Variants in SUCLG2 observed in about 807,000 individuals in gnomAD.
SUCLG2 encodes the protein succinate-CoA ligase GDP-forming subunit beta, also known as succinate--CoA ligase [GDP-forming] subunit beta, mitochondrial.
Under a neutral mutation model 47.9 loss-of-function variants are expected in SUCLG2, and 42 were observed. The ratio of observed to expected loss-of-function variants is 0.88; its 90% CI spans 0.69 to 1.14. SUCLG2 has a LOEUF of 1.14. Ranked by LOEUF, SUCLG2 falls within the 50% of genes most tolerant of loss-of-function variation. SUCLG2 has a pLI of 0.00. For synonymous variants in SUCLG2, 195 were observed against 197.3 expected (o/e 0.99, Z 0.10); for missense variants, 571 against 525.9 (o/e 1.09, Z -0.84).
At chr3:67,577,919 A>T (rs1384750645) in intron 2 of SUCLG2, among the ~76,000 whole-genome samples, 1 of 152,196 alleles carries the variant, frequency 6.6e-6, no homozygotes, top group Non-Finnish European at 1.5e-5. Flanking sequence ...CCCTCTCAAG[A>T]TCTTAAGAGC....
intron 9 of SUCLG2, among the ~76,000 whole-genome samples, chr3:67,422,188 T>G (rs1428822947): frequency 1.3e-5 from 2 of 151,198 alleles, no homozygotes; most frequent in Non-Finnish European, 2.9e-5. Flanking sequence ...AAAAAGAACA[T>G]TCAGGCTGGG....
At chr3:67,366,231 G>A (rs1701872966) in intron 10 of SUCLG2, among the ~76,000 whole-genome samples, 1 of 152,156 alleles carries the variant, frequency 6.6e-6, no homozygotes, top group Non-Finnish European at 1.5e-5. Context: ...GGAGGCTGAG[G>A]CAGGCGGATC....
At chr3:67,516,914 C>T (rs114003172) in intron 6 of SUCLG2, among the ~76,000 whole-genome samples, 2,514 of 152,256 alleles carry the variant, frequency 0.017, 69 homozygotes, top group African/African-American at 0.057. Context: ...CCTTAATAAA[C>T]ATCAAATGAA....
chr3:67,609,363 T>C (rs1219845224), intron 2 of SUCLG2, 92 bp downstream of exon 2: 2 of 1,457,414 alleles, frequency 1.4e-6, no homozygotes, highest in Admixed American at 2.0e-5. Flanking sequence ...GTCAGTTTAA[T>C]CCACAACAAA....
In SUCLG2 at chr3:67,638,031, A is replaced by G. The variant is rs1350451057; in HGVS notation, c.84+16472T>C. On this transcript the variant is annotated intron_variant, in intron 1 of 10. Coordinates refer to ENST00000307227, the MANE Select transcript of SUCLG2 (RefSeq NM_003848.4). Reference sequence around the variant, plus strand: ...AATTACATGTTAAACTACATATATGATAAGTATTTTTTCAGTATTTTATGC... The same window carrying G: ...AATTACATGTTAAACTACATATATGGTAAGTATTTTTTCAGTATTTTATGC... 2.6e-5 allele frequency among the ~76,000 whole-genome samples: 4 copies of G among 152,312 alleles called. No individual in the cohort carries two copies. In the East Asian group the frequency reaches 5.8e-4, roughly 22 times the overall value.
intron 1 of SUCLG2, among the ~76,000 whole-genome samples, chr3:67,626,025 T>TATATATATATATATACA (rs55738024): frequency 1.3e-4 from 9 of 69,492 alleles, no homozygotes; most frequent in African/African-American, 2.8e-4. Flanking sequence ...TATATTTACA[T>TATATATATATATATACA]TTTTTTTTTT....
At chr3:67,515,817 C>T (rs902476998) in intron 6 of SUCLG2, among the ~76,000 whole-genome samples, 1 of 152,116 alleles carries the variant, frequency 6.6e-6, no homozygotes, top group Non-Finnish European at 1.5e-5. Context: ...ATTCCCAAGC[C>T]TACAACTCTA....
chr3:67,652,480 C>T (rs949712878), intron 1 of SUCLG2, among the ~76,000 whole-genome samples: 5 of 152,030 alleles, frequency 3.3e-5, no homozygotes, highest in Admixed American at 6.5e-5. Flanking sequence ...ACTATGGAAA[C>T]GTAATATCAA....
chr3:67,384,981 G>C (rs1405444853), intron 10 of SUCLG2, among the ~76,000 whole-genome samples: 1 of 152,224 alleles, frequency 6.6e-6, no homozygotes, highest in Non-Finnish European at 1.5e-5. Context: ...GCGCTCTCTG[G>C]AAGAGTCTCA....
chr3:67,580,774 T>C (rs1009556490), intron 2 of SUCLG2, among the ~76,000 whole-genome samples: 6 of 152,212 alleles, frequency 3.9e-5, no homozygotes, highest in Admixed American at 2.6e-4. Context: ...CAATCATAAT[T>C]TCACAAGTGA....
chr3:67,597,340 T>C (rs1708317039), intron 2 of SUCLG2, among the ~76,000 whole-genome samples: 1 of 152,186 alleles, frequency 6.6e-6, no homozygotes. Flanking sequence ...AGAAAGTCAC[T>C]GGGTATGTAT....
At chr3:67,556,512 A>C (rs1227547945) in intron 2 of SUCLG2, among the ~76,000 whole-genome samples, 1 of 152,200 alleles carries the variant, frequency 6.6e-6, no homozygotes, top group Non-Finnish European at 1.5e-5. Context: ...AAAATAGAGA[A>C]TTAAATTTTT....
At chr3:67,618,618 T>G (rs1700674135) in intron 1 of SUCLG2, among the ~76,000 whole-genome samples, 1 of 152,190 alleles carries the variant, frequency 6.6e-6, no homozygotes, top group African/African-American at 2.4e-5. Context: ...AGCTTTCTAT[T>G]ATCACATCTG....
chr3:67,404,440 A>G (rs1166300338), intron 9 of SUCLG2, among the ~76,000 whole-genome samples: 1 of 107,696 alleles, frequency 9.3e-6, no homozygotes, highest in Non-Finnish European at 1.9e-5. Flanking sequence ...GGAGAGTGAG[A>G]AGTCATGAGG....
intron 2 of SUCLG2, among the ~76,000 whole-genome samples, chr3:67,592,536 A>T (rs915577709): frequency 6.6e-6 from 1 of 152,162 alleles, no homozygotes; most frequent in African/African-American, 2.4e-5. Context: ...GTTATTCAAG[A>T]TTACAAAAGT....
chr3:67,400,254 T>G (rs1165798839), intron 10 of SUCLG2, among the ~76,000 whole-genome samples: 2 of 151,766 alleles, frequency 1.3e-5, no homozygotes, highest in Non-Finnish European at 2.9e-5. Flanking sequence ...ATATGATATA[T>G]AAAATATACC....
chr3:67,634,471 A>G (rs980963836), intron 1 of SUCLG2, among the ~76,000 whole-genome samples: 8 of 152,214 alleles, frequency 5.3e-5, no homozygotes, highest in Non-Finnish European at 8.8e-5. Context: ...TCTGGTGCAA[A>G]CAAAGTCAAC....
In SUCLG2 at chr3:67,578,724, G is replaced by A. The variant is rs138263491; in HGVS notation, c.226+30731C>T. On this transcript the variant is annotated intron_variant, in intron 2 of 10. Coordinates refer to ENST00000307227, the MANE Select transcript of SUCLG2 (RefSeq NM_003848.4). ...AATCATCCCTGAAGGAAGAAGGGTG[G>A]AGATGAGGAAGAAAGACAAGGCAAG... Among the ~76,000 whole-genome samples the A allele has an allele frequency of 4.8e-3, 734 of 152,324 alleles. 3 individuals are homozygous for A. Among genetic ancestry groups the A allele is most frequent in the African/African-American group, 0.017 (708 of 41,574 alleles).
intron 1 of SUCLG2, among the ~76,000 whole-genome samples, chr3:67,649,658 C>T (rs999284614): frequency 1.8e-4 from 28 of 152,336 alleles, no homozygotes; most frequent in African/African-American, 6.7e-4. Context: ...TCACCTCCAC[C>T]TTCCTCACAA....
Sources: allele counts gnomAD v4.1 joint callset (sites outside exome capture counted in the v4.1 genomes callset), GRCh38; gene constraint gnomAD v4.1.1; transcripts MANE v1.5; gene names NCBI Gene and HGNC (gene_info 2026-07-23, HGNC 2026-07-21).